RGS7BP: variants seen among roughly 807,000 people sequenced by gnomAD.
The protein encoded by RGS7BP is regulator of G protein signaling 7-binding protein.
A neutral mutation model predicts 31.3 loss-of-function variants in RGS7BP; 9 were observed. The ratio of observed to expected loss-of-function variants is 0.29; its 90% CI spans 0.17 to 0.50. RGS7BP has a LOEUF of 0.50. Ranked by LOEUF, RGS7BP falls within the 20% of genes least tolerant of loss-of-function variation. The pLI is 0.98. For missense variants in RGS7BP, 274 were observed against 322.0 expected (o/e 0.85, Z 1.14); for synonymous variants, 115 against 120.1 (o/e 0.96, Z 0.28).
intron 3 of RGS7BP, among the ~76,000 whole-genome samples, chr5:64,586,137 A>T (rs1261109811): frequency 6.6e-6 from 1 of 152,190 alleles, no homozygotes. Context: ...ATGTGAAAAC[A>T]AGTACTGAAT....
intron 3 of RGS7BP, among the ~76,000 whole-genome samples, chr5:64,584,105 T>A (rs759782208): frequency 3.9e-5 from 6 of 152,188 alleles, no homozygotes; most frequent in Non-Finnish European, 7.3e-5. Context: ...CCATTCTTAC[T>A]AAGCTACATT....
intron 2 of RGS7BP, among the ~76,000 whole-genome samples, chr5:64,549,433 T>C (rs897074504): frequency 3.3e-5 from 5 of 152,250 alleles, no homozygotes; most frequent in African/African-American, 1.2e-4. Flanking sequence ...GTGGGGGTCC[T>C]GCCCCCATGG....
At chr5:64,608,499 A>G (rs1743420782) in intron 5 of RGS7BP, among the ~76,000 whole-genome samples, 1 of 152,078 alleles carries the variant, frequency 6.6e-6, no homozygotes, top group African/African-American at 2.4e-5. Context: ...ATGAAGAGAC[A>G]TGAAGTCAAT....
At chr5:64,608,392 T>G (rs1474877619) in intron 5 of RGS7BP, among the ~76,000 whole-genome samples, 1 of 152,024 alleles carries the variant, frequency 6.6e-6, no homozygotes, top group African/African-American at 2.4e-5. Flanking sequence ...AAACCAAAAC[T>G]TATTAATTCA....
chr5:64,597,629 T>C (rs1267836699), intron 4 of RGS7BP, among the ~76,000 whole-genome samples: 1 of 151,494 alleles, frequency 6.6e-6, no homozygotes, highest in African/African-American at 2.4e-5. Context: ...TTGGAGGCCA[T>C]TGTCTTCAAT....
At chr5:64,590,109 A>T (rs955693263) in intron 3 of RGS7BP, among the ~76,000 whole-genome samples, 4 of 152,046 alleles carry the variant, frequency 2.6e-5, no homozygotes, top group Non-Finnish European at 4.4e-5. Flanking sequence ...AGTTAAAAAA[A>T]ATTGGTGCAT....
At chr5:64,590,263 A>G (rs1252522325) in intron 3 of RGS7BP, among the ~76,000 whole-genome samples, 1 of 152,048 alleles carries the variant, frequency 6.6e-6, no homozygotes, top group African/African-American at 2.4e-5. Context: ...AAGAAAATCT[A>G]TTTTCGGTCA....
At chr5:64,536,368 G>A (rs564170856) in intron 2 of RGS7BP, among the ~76,000 whole-genome samples, 1 of 152,270 alleles carries the variant, frequency 6.6e-6, no homozygotes, top group South Asian at 2.1e-4. Flanking sequence ...TCTCAGGTCA[G>A]GGAGCATAAA....
chr5:64,506,821 TTTTAA>T lies in RGS7BP; in HGVS notation c.165+35_165+39del. 2 of 1,540,702 alleles carry T rather than the reference TTTTAA, an allele frequency of 1.3e-6. No individual in the cohort carries two copies. The highest frequency in any genetic ancestry group is 1.8e-6 in the Non-Finnish European group (2 of 1,140,746). ...GAAAACTGCGCCTCTTTTTTTTTTTTTTTAATTGAGAGGGGGTGGGGGGAGTCATG... is the reference window on the plus strand; with the variant it reads ...GAAAACTGCGCCTCTTTTTTTTTTTTTTGAGAGGGGGTGGGGGGAGTCATG... On this transcript the variant is annotated intron_variant, in intron 1 of 5. Coordinates refer to ENST00000334025, the MANE Select transcript of RGS7BP (RefSeq NM_001029875.3). The surrounding 1 kb of genome is among the most constrained non-coding windows in gnomAD (Gnocchi z 4.6).
intron 2 of RGS7BP, among the ~76,000 whole-genome samples, chr5:64,547,657 G>A (rs1331728833): frequency 6.6e-6 from 1 of 152,046 alleles, no homozygotes; most frequent in Non-Finnish European, 1.5e-5. Context: ...GAAAAATTCT[G>A]TCAGAAATAG....
At chr5:64,508,397 T>C (rs751070039) in intron 2 of RGS7BP, among the ~76,000 whole-genome samples, 2 of 152,154 alleles carry the variant, frequency 1.3e-5, no homozygotes, top group Non-Finnish European at 2.9e-5. Flanking sequence ...TAGGAAGGGG[T>C]AAGTTTTAGC....
At chr5:64,572,227 T>C (rs940070874) in intron 2 of RGS7BP, among the ~76,000 whole-genome samples, 1 of 152,214 alleles carries the variant, frequency 6.6e-6, no homozygotes, top group Non-Finnish European at 1.5e-5. Context: ...TTCCAGCTTT[T>C]AAATTGCTGT....
intron 2 of RGS7BP, among the ~76,000 whole-genome samples, chr5:64,526,221 T>C (rs1374322228): frequency 1.3e-5 from 2 of 151,872 alleles, no homozygotes; most frequent in Non-Finnish European, 2.9e-5. Context: ...GGAAAAGGAG[T>C]TGGTCAGCAG....
At chr5:64,512,833 G>A (rs1748874359) in intron 2 of RGS7BP, among the ~76,000 whole-genome samples, 1 of 151,344 alleles carries the variant, frequency 6.6e-6, no homozygotes, top group African/African-American at 2.4e-5. Context: ...AAAATTATAT[G>A]GAGATATGAA....
chr5:64,560,887 A>C (rs948583617), intron 2 of RGS7BP, among the ~76,000 whole-genome samples: 1 of 152,138 alleles, frequency 6.6e-6, no homozygotes, highest in Non-Finnish European at 1.5e-5. Flanking sequence ...AAAAGAGAGA[A>C]TAATGACAGT....
At chr5:64,580,256 G>A (rs995902407) in intron 3 of RGS7BP, among the ~76,000 whole-genome samples, 72 of 152,126 alleles carry the variant, frequency 4.7e-4, no homozygotes, top group Non-Finnish European at 1.3e-4. Flanking sequence ...ACAGAGAGGA[G>A]TCAGGAAGCC....
rs146243133 is a variant in RGS7BP, at chr5:64,545,379, T to C, written c.333-30395T>C. Among the ~76,000 whole-genome samples, 592 of 152,188 alleles carry C rather than the reference T, an allele frequency of 3.9e-3. 2 individuals carry two copies. Among genetic ancestry groups the C allele is most frequent in the African/African-American group, 0.013 (559 of 41,502 alleles). ...GTATAATATGTAACAAACCTGCACG[T>C]TGTGCACATGTACCCTAAAACTTAA... On this transcript the variant is annotated intron_variant, in intron 2 of 5. Transcript: ENST00000334025.
At chr5:64,597,440 G>A (rs957176283) in intron 4 of RGS7BP, among the ~76,000 whole-genome samples, 5 of 151,964 alleles carry the variant, frequency 3.3e-5, no homozygotes, top group South Asian at 2.1e-4. Context: ...CCCATACTGC[G>A]CCCCTTTCTG....
rs766845329 is a variant in RGS7BP, at chr5:64,609,252, G to T, written c.774G>T (p.Ter258TyrextTer32). The change falls in exon 6 of 6, where the codon TAG becomes TAT. Residue 258 changes from the stop codon to tyrosine (Y), a stop_lost. Transcript: ENST00000334025. The stretch of plus-strand genomic sequence containing the variant: ...GGCTGTGTTGTCTCATCTCAAGCTA[G>T]GTGGCTCCTCCTGGAAACCCACTGA... The part of the protein sequence containing the change: ...FFGLCCLISS[*>Y] 1 of 1,576,022 alleles carries T rather than the reference G, an allele frequency of 6.3e-7. No individual in the cohort carries two copies.
Sources: allele counts gnomAD v4.1 joint callset (sites outside exome capture counted in the v4.1 genomes callset), GRCh38; gene constraint gnomAD v4.1.1; non-coding constraint Gnocchi (gnomAD v3.1); transcripts MANE v1.5; gene names NCBI Gene and HGNC (gene_info 2026-07-23, HGNC 2026-07-21).